Variants in MOGAT1 observed in about 807,000 individuals in gnomAD.
MOGAT1 encodes 2-acylglycerol O-acyltransferase 1.
In MOGAT1, 32 loss-of-function variants were observed where a neutral mutation model predicts 31.4. The observed-to-expected ratio is 1.02, with a 90% confidence interval of 0.77 to 1.37. The LOEUF is 1.37. Ranked by LOEUF, MOGAT1 falls within the 40% of genes most tolerant of loss-of-function variation. MOGAT1 has a pLI of 0.00. For synonymous variants in MOGAT1, 145 were observed against 144.5 expected, an observed-to-expected ratio of 1.00 and a Z score of -0.03; for missense variants, 426 against 402.0, an observed-to-expected ratio of 1.06 and a Z score of -0.51.
intron 3 of MOGAT1, among the ~76,000 whole-genome samples, chr2:222,693,448 G>GTTTT (rs11331017): frequency 1.7e-5 from 2 of 116,194 alleles, no homozygotes; most frequent in Admixed American, 8.7e-5. Flanking sequence ...CAAATGTCTT[G>GTTTT]TTTTTTTTTT....
chr2:222,689,950 C>T (rs1692732716), intron 3 of MOGAT1, among the ~76,000 whole-genome samples: 1 of 152,164 alleles, frequency 6.6e-6, no homozygotes, highest in Non-Finnish European at 1.5e-5. Context: ...TGAAAAATAA[C>T]TTGGCTCAGA....
chr2:222,674,233 A>G (rs1165094920), intron 1 of MOGAT1, among the ~76,000 whole-genome samples: 1 of 152,184 alleles, frequency 6.6e-6, no homozygotes, highest in African/African-American at 2.4e-5. Flanking sequence ...ATTCACCTCA[A>G]TGTTTTTGTT....
In MOGAT1 at chr2:222,680,256, G is replaced by T. The variant is rs547386805; in HGVS notation, c.95-8088G>T. ...TCTTTTATTATGGATTATCTCCATGGATTTCAGGTTGAACTATACAAAGTA... is the reference window on the plus strand; with the variant it reads ...TCTTTTATTATGGATTATCTCCATGTATTTCAGGTTGAACTATACAAAGTA... On this transcript the variant is annotated intron_variant, in intron 1 of 5. Coordinates refer to ENST00000446656, the MANE Select transcript of MOGAT1 (RefSeq NM_058165.3). Among the ~76,000 whole-genome samples the T allele has an allele frequency of 9.8e-5, 15 of 152,316 alleles. No individual in the cohort carries two copies. The South Asian group carries it at 2.1e-3, about 21-fold the overall frequency.
At chr2:222,705,926 GATT>G (rs1348866196) in intron 5 of MOGAT1, among the ~76,000 whole-genome samples, 2 of 152,130 alleles carry the variant, frequency 1.3e-5, no homozygotes, top group Non-Finnish European at 2.9e-5. Flanking sequence ...GTAAAGGTAT[GATT>G]ATAATCTGTG....
At chr2:222,709,666 G>A (rs910874527) in intron 5 of MOGAT1, 70 bp from the exon 6 acceptor site, 4 of 1,413,448 alleles carry the variant, frequency 2.8e-6, no homozygotes, top group Admixed American at 1.8e-5. Flanking sequence ...TCACAGCTGT[G>A]CATTAGGGGC....
rs200248414 is a variant in MOGAT1 at position 222,694,534 on chromosome 2, T to A, written c.651T>A (p.His217Gln). 69 of 1,612,362 alleles carry A rather than the reference T, an allele frequency of 4.3e-5. No individual in the cohort carries two copies. In the African/African-American group the frequency reaches 7.5e-4, roughly 17 times the overall value. The change falls in exon 4 of 6, where the codon CAT becomes CAA. Residue 217 changes from histidine (H) to glutamine (Q), a missense_variant and splice_region_variant. Physicochemically the swap from His to Gln is conservative, Grantham distance 24. Coordinates refer to ENST00000446656, the MANE Select transcript of MOGAT1 (RefSeq NM_058165.3). ...RKGFVKIALT[H>Q]GASLVPVVSF... ...GATTTGTTAAAATTGCTTTGACCCA[T>A]GGGTAAGTGGCTTTTTGTATAAAGT... is the stretch of plus-strand genomic sequence containing the variant.
Position 222,689,478 on chromosome 2 carries a change from T to C in MOGAT1, c.478+9T>C, listed in dbSNP as rs1359724054. 13 of 1,612,604 alleles carry C rather than the reference T, an allele frequency of 8.1e-6. No homozygotes were observed. Among genetic ancestry groups the C allele is most frequent in the Non-Finnish European group, 1.1e-5 (13 of 1,178,702 alleles). ...ATATGTGATGAGTGTTGGTAAGTGA[T>C]GGCAGATCACTGTTTCCACAGTGCT... On this transcript the variant is annotated intron_variant, in intron 3 of 5. Transcript: ENST00000446656.
intron 5 of MOGAT1, among the ~76,000 whole-genome samples, chr2:222,699,965 T>G (rs1692897009): frequency 6.6e-6 from 1 of 152,202 alleles, no homozygotes; most frequent in African/African-American, 2.4e-5. Flanking sequence ...ACTTGATCAG[T>G]TAGGGTAATG....
intron 5 of MOGAT1, among the ~76,000 whole-genome samples, chr2:222,709,454 A>G (rs749217940): frequency 6.6e-6 from 1 of 152,148 alleles, no homozygotes; most frequent in East Asian, 1.9e-4. Flanking sequence ...AGCTATGTCC[A>G]CTCACCTCCC....
chr2:222,706,714 AATAGTTAC>A lies in MOGAT1; in HGVS notation c.854-3019_854-3012del, dbSNP rs575348942. ...TTACTGGTCCCTTACCCCTACCCTG[AATAGTTAC>A]ATTAACCTCTCTCACTGGAATAATT... is the stretch of plus-strand genomic sequence containing the variant. On this transcript the variant is annotated intron_variant, in intron 5 of 5. Coordinates refer to ENST00000446656, the MANE Select transcript of MOGAT1 (RefSeq NM_058165.3). Among the ~76,000 whole-genome samples the A allele has an allele frequency of 3.4e-4, 52 of 152,304 alleles. 1 individual carries two copies. The South Asian group carries it at 0.011, about 32-fold the overall frequency.
intron 5 of MOGAT1, among the ~76,000 whole-genome samples, chr2:222,696,724 G>A (rs1692840694): frequency 6.6e-6 from 1 of 152,086 alleles, no homozygotes; most frequent in Non-Finnish European, 1.5e-5. Context: ...AGGGAGGAGG[G>A]TGAAGACCAT....
At chr2:222,680,232 C>T (rs1692557176) in intron 1 of MOGAT1, among the ~76,000 whole-genome samples, 1 of 152,180 alleles carries the variant, frequency 6.6e-6, no homozygotes, top group Non-Finnish European at 1.5e-5. Flanking sequence ...TAGTGTGTCT[C>T]TTTTATTATG....
chr2:222,709,533 C>A (rs993322219), intron 5 of MOGAT1, among the ~76,000 whole-genome samples: 1 of 152,354 alleles, frequency 6.6e-6, no homozygotes, highest in East Asian at 1.9e-4. Context: ...AATCCAGTGT[C>A]TGCTGAGGAG....
intron 3 of MOGAT1, among the ~76,000 whole-genome samples, chr2:222,689,862 A>G (rs1412015646): frequency 6.6e-6 from 1 of 152,272 alleles, no homozygotes; most frequent in Non-Finnish European, 1.5e-5. Context: ...AATACTAGAA[A>G]TGGAAAATGT....
At chr2:222,697,811 G>A (rs751865157) in intron 5 of MOGAT1, among the ~76,000 whole-genome samples, 7 of 151,926 alleles carry the variant, frequency 4.6e-5, no homozygotes, top group African/African-American at 4.8e-5. Flanking sequence ...CCGACCTCAG[G>A]TGATCCATCT....
At chr2:222,696,301 T>C (rs1237987050) in intron 5 of MOGAT1, among the ~76,000 whole-genome samples, 3 of 152,262 alleles carry the variant, frequency 2.0e-5, no homozygotes, top group East Asian at 3.8e-4. Context: ...GATTGCTAGA[T>C]CAAATGGTAG....
intron 5 of MOGAT1, among the ~76,000 whole-genome samples, chr2:222,702,229 G>T (rs747329794): frequency 4.6e-5 from 7 of 152,214 alleles, no homozygotes; most frequent in Non-Finnish European, 1.0e-4. Context: ...AGACAAGAGG[G>T]AGGGGGTCCT....
chr2:222,672,781 T>C (rs1164185860), intron 1 of MOGAT1, among the ~76,000 whole-genome samples: 2 of 151,974 alleles, frequency 1.3e-5, no homozygotes, highest in Non-Finnish European at 2.9e-5. Flanking sequence ...TAAAACTGCT[T>C]TTACATTTCG....
chr2:222,701,595 A>AGGG (rs1692929929), intron 5 of MOGAT1, among the ~76,000 whole-genome samples: 1 of 60,196 alleles, frequency 1.7e-5, no homozygotes, highest in African/African-American at 7.3e-5. Flanking sequence ...AGAAAGAAAG[A>AGGG]AAGGGAGGGA....
Sources: allele counts gnomAD v4.1 joint callset (sites outside exome capture counted in the v4.1 genomes callset), GRCh38; gene constraint gnomAD v4.1.1; transcripts MANE v1.5; gene names NCBI Gene and HGNC (gene_info 2026-07-23, HGNC 2026-07-21).